The following BANP variants were observed in gnomAD, a reference collection of about 807,000 sequenced individuals.
BANP encodes the protein BTG3 associated nuclear protein.
BANP carries 11 observed loss-of-function variants against 68.1 expected under a neutral mutation model. That is an observed-to-expected ratio of 0.16 (90% CI 0.10 to 0.27). The LOEUF is 0.27. Ranked by LOEUF, BANP falls within the 10% of genes least tolerant of loss-of-function variation. The probability of loss-of-function intolerance (pLI) is 1.00; values close to 1 mark genes in which losing one functional copy is unlikely to be tolerated. For synonymous variants in BANP, 329 were observed against 303.2 expected (o/e 1.09, Z -0.88); for missense variants, 504 against 722.7 (o/e 0.70, Z 3.47).
At chr16:87,987,183 A>G (rs1483661415) in intron 4 of BANP, among the ~76,000 whole-genome samples, 5 of 152,178 alleles carry the variant, frequency 3.3e-5, no homozygotes, top group African/African-American at 4.8e-5. Flanking sequence ...GGCTCAAGCA[A>G]TTCTCCTGCC....
chr16:88,055,566 T>C (rs1026088353), intron 11 of BANP, among the ~76,000 whole-genome samples: 17 of 152,178 alleles, frequency 1.1e-4, no homozygotes, highest in Admixed American at 3.9e-4. Flanking sequence ...TAGACCCAGC[T>C]GGGAAAAAGA....
intron 7 of BANP, among the ~76,000 whole-genome samples, chr16:88,026,499 G>T (rs2077015388): frequency 4.6e-5 from 7 of 152,226 alleles, no homozygotes; most frequent in Admixed American, 4.6e-4. Context: ...AAAGGCCCCT[G>T]TGTTTATGAG....
chr16:87,978,585 G>A (rs1410022927), intron 2 of BANP: 9 of 469,416 alleles, frequency 1.9e-5, no homozygotes, highest in Non-Finnish European at 3.5e-5. Flanking sequence ...AGGTGGAGAT[G>A]GTTGATGCGC....
chr16:87,986,151 A>AC (rs2064357922), intron 4 of BANP, among the ~76,000 whole-genome samples: 1 of 152,106 alleles, frequency 6.6e-6, no homozygotes, highest in Admixed American at 6.5e-5. Flanking sequence ...ATCTCAAAGC[A>AC]CCCCTGGGCA....
intron 11 of BANP, among the ~76,000 whole-genome samples, chr16:88,039,412 C>T (rs1162731051): frequency 7.0e-6 from 1 of 143,672 alleles, no homozygotes; most frequent in Admixed American, 7.1e-5. Context: ...TCATAGCTGG[C>T]GGTCCGTCTT....
chr16:88,071,196 G>A lies in BANP; in HGVS notation c.1378-873G>A, dbSNP rs565383883. Reference sequence around the variant, plus strand: ...AGTGCACAGAGTGCGGTTCTGTGTGGAGGTGTGGGATGCATCTCCTGGCCC... The same window carrying A: ...AGTGCACAGAGTGCGGTTCTGTGTGAAGGTGTGGGATGCATCTCCTGGCCC... On this transcript the variant is annotated intron_variant, in intron 12 of 13. Coordinates refer to ENST00000682872, the MANE Select transcript of BANP (RefSeq NM_001386991.1). The surrounding 1 kb of genome is among the most constrained non-coding windows in gnomAD (Gnocchi z 6.5). The A allele has an allele frequency of 1.4e-3, 485 of 344,120 alleles. 1 individual carries two copies. The highest frequency in any genetic ancestry group is 9.5e-3 in the African/African-American group (442 of 46,584). The allele number at this position is 344,120 out of a possible 1,614,324, so 21.3% of individuals were successfully genotyped here.
intron 4 of BANP, among the ~76,000 whole-genome samples, chr16:87,988,522 C>T (rs2065045704): frequency 6.6e-6 from 1 of 152,090 alleles, no homozygotes; most frequent in Non-Finnish European, 1.5e-5. Context: ...GCCTCGGCCT[C>T]CCAAAGTGCT....
intron 5 of BANP, 113 bp from the exon 6 acceptor site, chr16:88,005,977 T>C (rs1395724740): frequency 3.1e-6 from 4 of 1,277,094 alleles, no homozygotes; most frequent in Non-Finnish European, 4.5e-6. Flanking sequence ...GGGAAGGCTG[T>C]GTGATCCACT....
In BANP at chr16:88,077,028, G is replaced by C. The variant is rs946480579; in HGVS notation, c.*367G>C. 2.2e-5 allele frequency: 5 copies of C among 227,834 alleles called. No individual in the cohort carries two copies. The allele number at this position is 227,834 out of a possible 1,614,324, so 14.1% of individuals were successfully genotyped here. On this transcript the variant is annotated 3_prime_UTR_variant, in exon 14 of 14. Transcript: ENST00000682872. Reference sequence around the variant, plus strand: ...GAAAATTTGAAAAAAAAAATCCCAGGGGAGTAGCAGGAGCCCTTTGCTGTG... The same window carrying C: ...GAAAATTTGAAAAAAAAAATCCCAGCGGAGTAGCAGGAGCCCTTTGCTGTG...
intron 11 of BANP, 121 bp from the exon 12 acceptor site, chr16:88,065,146 A>G: frequency 1.8e-6 from 1 of 565,946 alleles, no homozygotes; most frequent in Non-Finnish European, 3.2e-6. Flanking sequence ...ACAAACGACC[A>G]CAGACCCCGT....
At chr16:88,039,907 C>T (rs1458759675) in intron 11 of BANP, among the ~76,000 whole-genome samples, 3 of 152,212 alleles carry the variant, frequency 2.0e-5, no homozygotes, top group African/African-American at 7.2e-5. Context: ...TCTGAGTCCC[C>T]ACTCTCTCTA....
intron 7 of BANP, among the ~76,000 whole-genome samples, chr16:88,021,775 C>A (rs576751695): frequency 6.6e-6 from 1 of 152,202 alleles, no homozygotes; most frequent in Non-Finnish European, 1.5e-5. Flanking sequence ...CTTCAGAGCC[C>A]GCAGTGACGC....
At chr16:87,990,840 G>A (rs1017889165) in intron 4 of BANP, among the ~76,000 whole-genome samples, 12 of 152,254 alleles carry the variant, frequency 7.9e-5, no homozygotes, top group African/African-American at 2.9e-4. Flanking sequence ...TCGGCTCACT[G>A]CAACCTCCGC....
chr16:87,984,842 G>A lies in BANP; in HGVS notation c.362+583G>A, dbSNP rs150773318. 6.6e-3 allele frequency among the ~76,000 whole-genome samples: 1,012 copies of A among 152,334 alleles called. 3 individuals carry two copies. The highest frequency in any genetic ancestry group is 0.012 in the Admixed American group (185 of 15,310). On this transcript the variant is annotated intron_variant, in intron 4 of 13. Coordinates refer to ENST00000682872, the MANE Select transcript of BANP (RefSeq NM_001386991.1). ...TCCAGCCGACAGCTCGTGCTGAAGCGCAGGCTCTGGTGTCGCTAGCCTTCC... is the reference window on the plus strand; with the variant it reads ...TCCAGCCGACAGCTCGTGCTGAAGCACAGGCTCTGGTGTCGCTAGCCTTCC...
chr16:87,995,914 G>A (rs2067068961), intron 4 of BANP, among the ~76,000 whole-genome samples: 1 of 152,242 alleles, frequency 6.6e-6, no homozygotes. Context: ...CGGTGCCCGG[G>A]GTGCGCTTCT....
At chr16:87,958,721 A>C (rs926651285) in intron 1 of BANP, among the ~76,000 whole-genome samples, 1 of 152,062 alleles carries the variant, frequency 6.6e-6, no homozygotes, top group Non-Finnish European at 1.5e-5. Context: ...ACAAGCAAAA[A>C]CTATTCCCGT....
At chr16:87,978,593 C>T (rs371302177) in intron 2 of BANP, 32 of 469,244 alleles carry the variant, frequency 6.8e-5, no homozygotes, top group East Asian at 2.8e-4. Context: ...ATGGTTGATG[C>T]GCTCCCTGCC....
At chr16:88,059,180 G>C (rs2086005000) in intron 11 of BANP, among the ~76,000 whole-genome samples, 1 of 150,674 alleles carries the variant, frequency 6.6e-6, no homozygotes. Context: ...TGCTCCTGCT[G>C]GTGGCGGGGC....
intron 11 of BANP, among the ~76,000 whole-genome samples, chr16:88,059,049 C>T (rs1318894379): frequency 4.0e-5 from 6 of 150,862 alleles, no homozygotes; most frequent in South Asian, 2.1e-4. Flanking sequence ...ACCCCTGTAC[C>T]ACAGTGCTGT....
Sources: allele counts gnomAD v4.1 joint callset (sites outside exome capture counted in the v4.1 genomes callset), GRCh38; gene constraint gnomAD v4.1.1; non-coding constraint Gnocchi (gnomAD v3.1); transcripts MANE v1.5; gene names NCBI Gene and HGNC (gene_info 2026-07-23, HGNC 2026-07-21).